Variants in EFR3A observed in about 807,000 individuals in gnomAD.
The protein encoded by EFR3A is EFR3 homolog A, also known as protein EFR3 homolog A.
In EFR3A, 76 loss-of-function variants were observed where a neutral mutation model predicts 104.4. The observed-to-expected ratio is 0.73, with a 90% CI of 0.60 to 0.88. EFR3A has a LOEUF of 0.88. Ranked by LOEUF, EFR3A falls within the 40% of genes least tolerant of loss-of-function variation. The pLI, the probability that EFR3A is intolerant of heterozygous loss-of-function variation, is 0.00. For synonymous variants in EFR3A, 330 were observed against 330.0 expected, an observed-to-expected ratio of 1.00 and a Z score of 0.00; for missense variants, 985 against 1,012.5, an observed-to-expected ratio of 0.97 and a Z score of 0.37.
chr8:131,971,818 A>G (rs1820070278), intron 10 of EFR3A, among the ~76,000 whole-genome samples: 1 of 152,134 alleles, frequency 6.6e-6, no homozygotes, highest in African/African-American at 2.4e-5. Flanking sequence ...AATTTTGATC[A>G]CTTAAGGCAT....
chr8:131,965,080 G>C lies in EFR3A; in HGVS notation c.856-3215G>C, dbSNP rs189932358. Among the ~76,000 whole-genome samples the C allele has an allele frequency of 5.1e-3, 770 of 152,234 alleles. 9 individuals are homozygous for C. The highest frequency in any genetic ancestry group is 0.018 in the African/African-American group (736 of 41,544). On this transcript the variant is annotated intron_variant, in intron 8 of 22. Coordinates refer to ENST00000254624, the MANE Select transcript of EFR3A (RefSeq NM_015137.6). ...AAAAATTAATTCAAGATGGATTAAA[G>C]ACTTAAATGTTAGACTTAAAACCAT...
chr8:131,966,530 C>T (rs1408877975), intron 8 of EFR3A, among the ~76,000 whole-genome samples: 3 of 152,092 alleles, frequency 2.0e-5, no homozygotes, highest in African/African-American at 7.2e-5. Context: ...ACAATAGACA[C>T]AATTTGGGTG....
intron 4 of EFR3A, among the ~76,000 whole-genome samples, chr8:131,949,345 G>T (rs1217422939): frequency 3.9e-5 from 6 of 152,158 alleles, no homozygotes; most frequent in Non-Finnish European, 8.8e-5. Flanking sequence ...ACACAGTGAA[G>T]TAATGCTGTA....
At chr8:131,994,677 A>G (rs1821385417) in intron 18 of EFR3A, among the ~76,000 whole-genome samples, 1 of 152,206 alleles carries the variant, frequency 6.6e-6, no homozygotes, top group Non-Finnish European at 1.5e-5. Context: ...GAAGATTTTG[A>G]ACGATGACAC....
Position 131,946,604 on chromosome 8 carries a change from C to G in EFR3A, c.337C>G (p.Pro113Ala). 1 of 1,603,402 alleles carries G rather than the reference C, an allele frequency of 6.2e-7. No homozygotes were observed. Among genetic ancestry groups the G allele is most frequent in the Non-Finnish European group, 8.5e-7 (1 of 1,175,076 alleles). ...MVAKLLESGE[P>A]KLQVLGTNSF... ...GGCAAAGCTGCTGGAATCGGGGGAACCAAAGCTTCAAGTTCTTGGAACAAA... is the reference window on the plus strand; with the variant it reads ...GGCAAAGCTGCTGGAATCGGGGGAAGCAAAGCTTCAAGTTCTTGGAACAAA... Residue 113 changes from proline to alanine, a missense_variant, in exon 4 of 23, where the codon CCA becomes GCA. Transcript: ENST00000254624.
chr8:131,938,571 C>A (rs891924278), intron 1 of EFR3A, among the ~76,000 whole-genome samples: 1 of 152,088 alleles, frequency 6.6e-6, no homozygotes, highest in African/African-American at 2.4e-5. Context: ...GTTGGGCCTT[C>A]CTGAGAAACT....
chr8:131,914,429 T>C (rs1026542969), intron 1 of EFR3A, among the ~76,000 whole-genome samples: 1 of 152,208 alleles, frequency 6.6e-6, no homozygotes, highest in Non-Finnish European at 1.5e-5. Context: ...AGCATCCTCA[T>C]TGTTGATTCC....
chr8:131,954,075 C>A, intron 6 of EFR3A, 108 bp downstream of exon 6: 1 of 1,116,292 alleles, frequency 9.0e-7, no homozygotes, highest in South Asian at 2.5e-5. Flanking sequence ...ACAGTAGTCT[C>A]GTAAAGTTAA....
rs927107403 is a variant in EFR3A, at chr8:132,013,101, C to T, written c.*2206C>T. On this transcript the variant is annotated 3_prime_UTR_variant, in exon 23 of 23. Coordinates refer to ENST00000254624, the MANE Select transcript of EFR3A (RefSeq NM_015137.6). ...CTGGGTGTGCACACGGTGTTGTAGC[C>T]AGTTCAGGTACTGAATATTTAGGAT... 9 of 152,148 alleles carry T rather than the reference C, an allele frequency of 5.9e-5. No individual in the cohort carries two copies. Among genetic ancestry groups the T allele is most frequent in the African/African-American group, 2.2e-4 (9 of 41,432 alleles). The allele number at this position is 152,148 out of a possible 1,614,324, so 9.4% of individuals were successfully genotyped here.
intron 1 of EFR3A, among the ~76,000 whole-genome samples, chr8:131,906,466 C>G (rs567409872): frequency 1.5e-3 from 221 of 152,320 alleles, no homozygotes; most frequent in Non-Finnish European, 2.4e-3. Flanking sequence ...TGTGGTCTCT[C>G]AGACTCTACA....
At chr8:131,904,629 C>A (rs1816148638) in intron 1 of EFR3A, among the ~76,000 whole-genome samples, 1 of 152,364 alleles carries the variant, frequency 6.6e-6, no homozygotes, top group African/African-American at 2.4e-5. Context: ...TTCCCACGGC[C>A]ACACGGCTTC....
chr8:131,933,891 A>G (rs1817742343), intron 1 of EFR3A, among the ~76,000 whole-genome samples: 1 of 152,016 alleles, frequency 6.6e-6, no homozygotes, highest in Non-Finnish European at 1.5e-5. Context: ...AGAGCAAAGT[A>G]TTGCAATGTA....
rs117190186 is a variant in EFR3A, at chr8:131,960,703, C to T, written c.855+1040C>T. Among the ~76,000 whole-genome samples, 841 of 152,214 alleles carry T rather than the reference C, an allele frequency of 5.5e-3. 4 individuals carry two copies. Among genetic ancestry groups the T allele is most frequent in the Non-Finnish European group, 8.4e-3 (569 of 68,002 alleles). ...ACTGGTCTTGACCAGGATTTATATC[C>T]TTAAGGGTTTACATAGTTTCAAATA... On this transcript the variant is annotated intron_variant, in intron 8 of 22. Coordinates refer to ENST00000254624, the MANE Select transcript of EFR3A (RefSeq NM_015137.6).
chr8:131,985,098 T>C (rs761932937), intron 16 of EFR3A, 38 bp downstream of exon 16: 1 of 1,568,264 alleles, frequency 6.4e-7, no homozygotes, highest in East Asian at 2.3e-5. Context: ...TTGAATTTTG[T>C]ACAAAATTGC....
intron 8 of EFR3A, among the ~76,000 whole-genome samples, chr8:131,961,658 TC>T (rs1215983868): frequency 6.6e-6 from 1 of 152,060 alleles, no homozygotes; most frequent in Non-Finnish European, 1.5e-5. Flanking sequence ...CAGGAGAACT[TC>T]CCCAATCTAG....
rs112589578 is a variant in EFR3A, at chr8:131,981,046, C to T, written c.1575+1625C>T. Reference sequence around the variant, plus strand: ...TTATATATATATATATATATATATACACACACTACATTTTCTTTATCCATT... The same window carrying T: ...TTATATATATATATATATATATATATACACACTACATTTTCTTTATCCATT... On this transcript the variant is annotated intron_variant, in intron 14 of 22. Coordinates refer to ENST00000254624, the MANE Select transcript of EFR3A (RefSeq NM_015137.6). 3.9e-3 allele frequency among the ~76,000 whole-genome samples: 198 copies of T among 51,316 alleles called. 2 individuals carry two copies. The highest frequency in any genetic ancestry group is 0.015 in the African/African-American group (196 of 12,978). The allele number at this position is 51,316 out of a possible 152,430, so 33.7% of individuals were successfully genotyped here.
chr8:131,907,790 C>A (rs1275249600), intron 1 of EFR3A, among the ~76,000 whole-genome samples: 1 of 151,710 alleles, frequency 6.6e-6, no homozygotes, highest in African/African-American at 2.4e-5. Context: ...CCCTCTTCCC[C>A]CCTTTCCTCA....
At chr8:131,947,076 A>G (rs1448862587) in intron 4 of EFR3A, among the ~76,000 whole-genome samples, 1 of 151,962 alleles carries the variant, frequency 6.6e-6, no homozygotes, top group Non-Finnish European at 1.5e-5. Context: ...GTAATTGCTG[A>G]GTCATGTAGT....
chr8:131,965,206 A>C (rs995534555), intron 8 of EFR3A, among the ~76,000 whole-genome samples: 2 of 152,222 alleles, frequency 1.3e-5, no homozygotes, highest in African/African-American at 2.4e-5. Flanking sequence ...AAAAGCCACA[A>C]TTGACAAATG....
Sources: gnomAD v4.1 joint callset for allele counts (sites outside exome capture counted in the v4.1 genomes callset) on GRCh38, gnomAD v4.1.1 for gene constraint, MANE v1.5 for transcripts, NCBI Gene and HGNC (gene_info 2026-07-23, HGNC 2026-07-21) for gene names.